The following GABRB2 variants were observed in gnomAD, a reference collection of about 807,000 sequenced individuals.
GABRB2 encodes the protein gamma-aminobutyric acid type A receptor subunit beta2, also known as gamma-aminobutyric acid receptor subunit beta-2.
Under a neutral mutation model 54.7 loss-of-function variants are expected in GABRB2, and 16 were observed. That is an observed-to-expected ratio of 0.29 (90% CI 0.20 to 0.44). GABRB2 has a LOEUF of 0.44. Ranked by LOEUF, GABRB2 falls within the 20% of genes least tolerant of loss-of-function variation. The probability of loss-of-function intolerance (pLI) is 1.00; values close to 1 mark genes in which losing one functional copy is unlikely to be tolerated. For synonymous variants in GABRB2, 244 were observed against 233.8 expected (o/e 1.04, Z -0.40); for missense variants, 355 against 644.0 (o/e 0.55, Z 4.86).
upstream of GABRB2, chr5:161,546,794 T>A: frequency 4.9e-6 from 7 of 1,428,244 alleles, no homozygotes; most frequent in Non-Finnish European, 6.4e-6. Flanking sequence ...CGAGCAGATT[T>A]CCTTGTTTAA....
intron 9 of GABRB2, among the ~76,000 whole-genome samples, chr5:161,300,300 C>A (rs962513332): frequency 5.9e-5 from 9 of 152,070 alleles, no homozygotes; most frequent in African/African-American, 2.2e-4. Flanking sequence ...ATTATCATTC[C>A]TTTTTCTCCT....
intron 5 of GABRB2, among the ~76,000 whole-genome samples, chr5:161,345,143 C>A (rs1477791015): frequency 6.6e-6 from 1 of 151,896 alleles, no homozygotes; most frequent in African/African-American, 2.4e-5. Flanking sequence ...GTATACCTAT[C>A]TAACAAATCT....
chr5:161,505,042 C>T (rs1759562676), intron 3 of GABRB2, among the ~76,000 whole-genome samples: 1 of 151,262 alleles, frequency 6.6e-6, no homozygotes. Context: ...GCTGTAAATT[C>T]TATATAAACA....
At chr5:161,302,010 G>A (rs1757554770) in intron 9 of GABRB2, among the ~76,000 whole-genome samples, 1 of 152,218 alleles carries the variant, frequency 6.6e-6, no homozygotes. Context: ...AGAAACAAGT[G>A]CTGAAATTTT....
intron 5 of GABRB2, among the ~76,000 whole-genome samples, chr5:161,400,173 CAGG>C (rs1197313862): frequency 2.0e-5 from 3 of 152,136 alleles, no homozygotes; most frequent in Non-Finnish European, 2.9e-5. Flanking sequence ...ACAAAAACAA[CAGG>C]AGGTTTCTGG....
chr5:161,407,297 A>T (rs995865202), intron 5 of GABRB2, among the ~76,000 whole-genome samples: 2 of 152,124 alleles, frequency 1.3e-5, no homozygotes, highest in African/African-American at 4.8e-5. Context: ...TCCTATTTCA[A>T]AGATATATAA....
At chr5:161,428,897 A>G (rs1017064732) in intron 4 of GABRB2, among the ~76,000 whole-genome samples, 2 of 152,202 alleles carry the variant, frequency 1.3e-5, no homozygotes, top group African/African-American at 4.8e-5. Flanking sequence ...ACCTCTGAAC[A>G]TGGATATAAA....
intron 3 of GABRB2, among the ~76,000 whole-genome samples, chr5:161,466,275 C>T (rs971148700): frequency 1.3e-5 from 2 of 152,018 alleles, no homozygotes; most frequent in African/African-American, 2.4e-5. Flanking sequence ...AATCTTGAAT[C>T]GTTGGTTAAG....
chr5:161,366,614 C>T lies in GABRB2; in HGVS notation c.542-29845G>A, dbSNP rs143963883. Among the ~76,000 whole-genome samples, 196 of 152,192 alleles carry T rather than the reference C, an allele frequency of 1.3e-3. No individual in the cohort carries two copies. In the East Asian group the frequency reaches 0.015, roughly 12 times the overall value. ...ATTAACTGTTAACTGAAAGAATCCA[C>T]GCAAAAATGCATGAATGGTACCCTA... On this transcript the variant is annotated intron_variant, in intron 5 of 9. Transcript: ENST00000393959.
chr5:161,496,072 G>A (rs1439972375), intron 3 of GABRB2, among the ~76,000 whole-genome samples: 1 of 152,118 alleles, frequency 6.6e-6, no homozygotes, highest in African/African-American at 2.4e-5. Flanking sequence ...CGCTTTCTGA[G>A]GCTGTTAAGC....
chr5:161,339,388 C>G (rs747406119), intron 5 of GABRB2, among the ~76,000 whole-genome samples: 2 of 152,088 alleles, frequency 1.3e-5, no homozygotes, highest in Non-Finnish European at 2.9e-5. Context: ...TTTCTACAGA[C>G]AGCTAAAGCC....
At chr5:161,484,919 A>T (rs959302490) in intron 3 of GABRB2, among the ~76,000 whole-genome samples, 2 of 151,882 alleles carry the variant, frequency 1.3e-5, no homozygotes, top group Non-Finnish European at 2.9e-5. Context: ...TAGGGTTCAA[A>T]CTTCTTAGTA....
chr5:161,382,501 C>T (rs1561630378), intron 5 of GABRB2, among the ~76,000 whole-genome samples: 1 of 151,468 alleles, frequency 6.6e-6, no homozygotes, highest in Non-Finnish European at 1.5e-5. Flanking sequence ...ATCAATAACA[C>T]TTCTGTTAAA....
chr5:161,416,692 GTC>G (rs1756678121), intron 4 of GABRB2, among the ~76,000 whole-genome samples: 1 of 15,920 alleles, frequency 6.3e-5, no homozygotes, highest in Non-Finnish European at 1.7e-4. Context: ...GCCAGACTCC[GTC>G]TCAAAAAAAA....
intron 6 of GABRB2, 83 bp from the exon 7 acceptor site, chr5:161,334,987 C>T: frequency 3.0e-6 from 4 of 1,334,850 alleles, no homozygotes; most frequent in African/African-American, 1.5e-5. Flanking sequence ...AACAGTACCT[C>T]TTCTCTCAGT....
intron 5 of GABRB2, among the ~76,000 whole-genome samples, chr5:161,359,257 C>A (rs1031743156): frequency 3.3e-5 from 5 of 152,102 alleles, no homozygotes; most frequent in African/African-American, 1.2e-4. Context: ...TGATTATTTG[C>A]TATTTTTTCC....
At chr5:161,520,992 T>C (rs769365257) in intron 3 of GABRB2, among the ~76,000 whole-genome samples, 1 of 152,036 alleles carries the variant, frequency 6.6e-6, no homozygotes, top group Non-Finnish European at 1.5e-5. Flanking sequence ...AGGAGGTCTA[T>C]GTCTTGTTGC....
At chr5:161,312,668 A>G (rs1348788559) in intron 9 of GABRB2, among the ~76,000 whole-genome samples, 2 of 152,206 alleles carry the variant, frequency 1.3e-5, no homozygotes, top group Non-Finnish European at 2.9e-5. Context: ...CTGAGAATAT[A>G]TCACCTAGTG....
chr5:161,336,527 GTA>G (rs1368007087), intron 6 of GABRB2, 103 bp downstream of exon 6: 1 of 1,305,702 alleles, frequency 7.7e-7, no homozygotes, highest in African/African-American at 1.5e-5. Context: ...GATTTGTCTT[GTA>G]AAGTCATGGT....
Sources: allele counts gnomAD v4.1 joint callset (sites outside exome capture counted in the v4.1 genomes callset), GRCh38; gene constraint gnomAD v4.1.1; transcripts MANE v1.5; gene names NCBI Gene and HGNC (gene_info 2026-07-23, HGNC 2026-07-21).